DEPDC5: variants seen among roughly 807,000 people sequenced by gnomAD.
DEPDC5 encodes the protein GATOR1 complex protein DEPDC5.
Under a neutral mutation model 217.3 loss-of-function variants are expected in DEPDC5, and 73 were observed. That is an observed-to-expected ratio of 0.34 (90% CI 0.28 to 0.41). The LOEUF is 0.41. Ranked by LOEUF, DEPDC5 falls within the 10% of genes least tolerant of loss-of-function variation. DEPDC5 has a pLI of 1.00. For synonymous variants in DEPDC5, 733 were observed against 756.7 expected (o/e 0.97, Z 0.51); for missense variants, 1,675 against 2,070.1 (o/e 0.81, Z 3.70).
chr22:31,761,042 C>T (rs1423491017), intron 4 of DEPDC5, among the ~76,000 whole-genome samples: 3 of 150,954 alleles, frequency 2.0e-5, no homozygotes, highest in South Asian at 2.1e-4. Flanking sequence ...AGTGCAGTGG[C>T]GCGATCTCGG....
intron 2 of DEPDC5, chr22:31,755,189 T>C: frequency 1.9e-6 from 1 of 521,254 alleles, no homozygotes; most frequent in Non-Finnish European, 3.4e-6. Context: ...ACATTGTGAA[T>C]GCTGCCGGTT....
Position 31,837,063 on chromosome 22 carries a change from C to G in DEPDC5, c.2262C>G (p.Pro754=). Residue 754 remains proline, a synonymous_variant, in exon 26 of 43, where the codon CCC becomes CCG. Transcript: ENST00000651528. ...WKSLTTPACL[P]LTTDYFPDRQ... ...CTCTCACTACTCCGGCGTGCCTCCCCCTTACCACCGACTACTTCCCTGACC... is the reference window on the plus strand; with the variant it reads ...CTCTCACTACTCCGGCGTGCCTCCCGCTTACCACCGACTACTTCCCTGACC... 1.2e-6 allele frequency: 2 copies of G among 1,614,188 alleles called. No homozygotes were observed. Among genetic ancestry groups the G allele is most frequent in the East Asian group, 2.2e-5 (1 of 44,874 alleles).
chr22:31,802,182 T>G (rs1278282838), intron 14 of DEPDC5, among the ~76,000 whole-genome samples: 2 of 148,842 alleles, frequency 1.3e-5, no homozygotes, highest in Non-Finnish European at 1.5e-5. Flanking sequence ...CAGGCTGGAA[T>G]GCAGTGGCAC....
chr22:31,867,609 A>G (rs76342410), intron 33 of DEPDC5, among the ~76,000 whole-genome samples: 6,585 of 152,276 alleles, frequency 0.043, 201 homozygotes, highest in Non-Finnish European at 0.049. Context: ...TTTTATTGTA[A>G]TAGAGCCACA....
intron 31 of DEPDC5, among the ~76,000 whole-genome samples, chr22:31,854,878 G>A (rs74417430): frequency 0.043 from 6,582 of 151,542 alleles, 201 homozygotes; most frequent in Non-Finnish European, 0.05. Context: ...GATAAGGAGA[G>A]ATGAAGAGGA....
chr22:31,856,703 A>G (rs1335633939), intron 31 of DEPDC5, among the ~76,000 whole-genome samples: 1 of 152,170 alleles, frequency 6.6e-6, no homozygotes, highest in Admixed American at 6.5e-5. Context: ...AGATTAACCT[A>G]TAAATCCCTT....
chr22:31,831,439 G>A (rs1256498810), intron 24 of DEPDC5, among the ~76,000 whole-genome samples: 1 of 152,118 alleles, frequency 6.6e-6, no homozygotes, highest in South Asian at 2.1e-4. Context: ...GCCAGGTGAT[G>A]TCATCTTTAT....
chr22:31,906,684 C>T lies in DEPDC5; in HGVS notation c.*187C>T. ...TGGCCCCCACGACAAGTCTTCTACTCTAGAAGAAAGACTTTGGAAGCAGCT... is the reference window on the plus strand; with the variant it reads ...TGGCCCCCACGACAAGTCTTCTACTTTAGAAGAAAGACTTTGGAAGCAGCT... On this transcript the variant is annotated 3_prime_UTR_variant, in exon 43 of 43. Transcript: ENST00000651528. This position sits in a 1 kb window ranked among gnomAD's most constrained non-coding sequence, Gnocchi z 5.1. 1 of 753,388 alleles carries T rather than the reference C, an allele frequency of 1.3e-6. No homozygotes were observed. Among genetic ancestry groups the T allele is most frequent in the Non-Finnish European group, 2.1e-6 (1 of 476,228 alleles). 46.7% of individuals were successfully genotyped at this position (753,388 alleles called of 1,614,324 possible). A position where few individuals can be genotyped will look rare whatever the true frequency, so the allele number is the denominator to read the frequency against.
At chr22:31,877,604 G>C (rs934220810) in intron 37 of DEPDC5, among the ~76,000 whole-genome samples, 1 of 150,396 alleles carries the variant, frequency 6.6e-6, no homozygotes, top group Non-Finnish European at 1.5e-5. Context: ...ACAAAAAATA[G>C]CTGGGCATGG....
At chr22:31,874,483 C>G (rs2092937324) in intron 36 of DEPDC5, 78 bp downstream of exon 36, 34 of 1,489,156 alleles carry the variant, frequency 2.3e-5, no homozygotes, top group Non-Finnish European at 2.9e-5. Context: ...AGCCATCACC[C>G]TTTCCAGTAA....
chr22:31,800,321 C>G (rs2086738292), intron 14 of DEPDC5, among the ~76,000 whole-genome samples: 1 of 152,140 alleles, frequency 6.6e-6, no homozygotes, highest in African/African-American at 2.4e-5. Context: ...TGGAGTTGCT[C>G]TGGTTCAAAG....
At chr22:31,889,591 C>T (rs2093396093) in intron 38 of DEPDC5, among the ~76,000 whole-genome samples, 1 of 141,196 alleles carries the variant, frequency 7.1e-6, no homozygotes, top group Admixed American at 7.4e-5. Context: ...GCTCTGTTGC[C>T]TATGCTGGAG....
At chr22:31,834,713 C>T (rs1229726064) in intron 25 of DEPDC5, among the ~76,000 whole-genome samples, 1 of 152,026 alleles carries the variant, frequency 6.6e-6, no homozygotes, top group Admixed American at 6.6e-5. Flanking sequence ...GACGGGGTTT[C>T]ACCATGTTGG....
At chr22:31,858,657 C>T (rs1344066998) in intron 32 of DEPDC5, 1 of 151,406 alleles carries the variant, frequency 6.6e-6, no homozygotes, top group Non-Finnish European at 1.5e-5. Flanking sequence ...TTTTTTTCCC[C>T]TAAGCAACCC....
At chr22:31,811,649 A>G (rs1335257290) in intron 20 of DEPDC5, among the ~76,000 whole-genome samples, 2 of 151,784 alleles carry the variant, frequency 1.3e-5, no homozygotes, top group Non-Finnish European at 2.9e-5. Context: ...TCCTGGGCTC[A>G]AGTGATCCTC....
chr22:31,797,806 T>G (rs1322048631), intron 13 of DEPDC5, 103 bp downstream of exon 13: 1 of 877,268 alleles, frequency 1.1e-6, no homozygotes, highest in Non-Finnish European at 1.8e-6. Flanking sequence ...CATTGCCGTG[T>G]GTAGTTTCTG....
intron 10 of DEPDC5, among the ~76,000 whole-genome samples, chr22:31,788,436 G>A (rs1326237616): frequency 1.3e-5 from 2 of 150,792 alleles, no homozygotes; most frequent in South Asian, 2.1e-4. Context: ...CACTATGCCC[G>A]GGCAATTTTT....
chr22:31,810,673 T>C (rs1431813804), intron 20 of DEPDC5, 32 bp downstream of exon 20: 1 of 1,611,746 alleles, frequency 6.2e-7, no homozygotes, highest in Non-Finnish European at 8.5e-7. Context: ...GGGGTGCATA[T>C]AAAAATTGTG....
At chr22:31,902,857 G>A (rs1602970746) in intron 41 of DEPDC5, among the ~76,000 whole-genome samples, 2 of 152,030 alleles carry the variant, frequency 1.3e-5, no homozygotes, top group South Asian at 4.1e-4. Flanking sequence ...AGTCACCAGG[G>A]GGGACCCTGC....
Sources: gnomAD v4.1 joint callset for allele counts (sites outside exome capture counted in the v4.1 genomes callset) on GRCh38, gnomAD v4.1.1 for gene constraint, Gnocchi (gnomAD v3.1) non-coding constraint, MANE v1.5 for transcripts, NCBI Gene and HGNC (gene_info 2026-07-23, HGNC 2026-07-21) for gene names.